The following SLC44A1 variants were observed in gnomAD, a reference collection of about 807,000 sequenced individuals.
SLC44A1 encodes the protein choline transporter-like protein 1.
Under a neutral mutation model 79.3 loss-of-function variants are expected in SLC44A1, and 26 were observed. The observed-to-expected ratio is 0.33, with a 90% CI of 0.24 to 0.46. The LOEUF (loss-of-function observed/expected upper bound fraction) is 0.46. SLC44A1 is among the 20% of genes least tolerant of loss of function. SLC44A1 has a pLI of 1.00. For missense variants in SLC44A1, 688 were observed against 798.1 expected (o/e 0.86, Z 1.66); for synonymous variants, 263 against 286.2 (o/e 0.92, Z 0.82).
intron 15 of SLC44A1, among the ~76,000 whole-genome samples, chr9:105,403,552 G>C (rs1041318452): frequency 6.6e-6 from 1 of 150,894 alleles, no homozygotes; most frequent in South Asian, 2.1e-4. Flanking sequence ...TTCTACATTA[G>C]CTAAGAATAC....
At chr9:105,306,071 A>G (rs1831023448) in intron 2 of SLC44A1, among the ~76,000 whole-genome samples, 1 of 152,126 alleles carries the variant, frequency 6.6e-6, no homozygotes, top group East Asian at 1.9e-4. Flanking sequence ...CTATTTGTGA[A>G]TAAATTTGTC....
chr9:105,356,811 T>G (rs920099927), intron 6 of SLC44A1, among the ~76,000 whole-genome samples: 1 of 152,192 alleles, frequency 6.6e-6, no homozygotes, highest in Non-Finnish European at 1.5e-5. Flanking sequence ...TGTAATTTTT[T>G]TTTCATTGCT....
intron 5 of SLC44A1, among the ~76,000 whole-genome samples, chr9:105,351,497 C>T (rs544188976): frequency 2.0e-5 from 3 of 149,782 alleles, no homozygotes; most frequent in Middle Eastern, 3.4e-3. Flanking sequence ...TGTGCCACTG[C>T]ACTCCAGCCT....
At chr9:105,307,643 TAA>T (rs35472593) in intron 2 of SLC44A1, among the ~76,000 whole-genome samples, 102 of 139,120 alleles carry the variant, frequency 7.3e-4, no homozygotes, top group African/African-American at 1.4e-3. Flanking sequence ...GACTCCATCT[TAA>T]AAAAAAAAAA....
chr9:105,341,843 C>G (rs1827101345), intron 4 of SLC44A1, among the ~76,000 whole-genome samples: 1 of 152,142 alleles, frequency 6.6e-6, no homozygotes, highest in African/African-American at 2.4e-5. Flanking sequence ...TATTTTTATT[C>G]ATCTCTAAAT....
intron 12 of SLC44A1, among the ~76,000 whole-genome samples, chr9:105,367,295 G>A (rs1185570462): frequency 6.6e-6 from 1 of 152,124 alleles, no homozygotes; most frequent in Non-Finnish European, 1.5e-5. Flanking sequence ...ATAGTCACAG[G>A]TTGATAGTTC....
chr9:105,278,238 T>TA (rs1830258169), intron 1 of SLC44A1, among the ~76,000 whole-genome samples: 1 of 151,610 alleles, frequency 6.6e-6, no homozygotes, highest in African/African-American at 2.4e-5. Flanking sequence ...TTTTTTTTTC[T>TA]TTTTCTATTT....
chr9:105,410,558 T>G (rs1829081524), intron 15 of SLC44A1, among the ~76,000 whole-genome samples: 1 of 152,008 alleles, frequency 6.6e-6, no homozygotes, highest in Admixed American at 6.6e-5. Flanking sequence ...CTCAAACAAA[T>G]AGACAATAAG....
At chr9:105,437,287 A>C (rs1829475721) in intron 15 of SLC44A1, among the ~76,000 whole-genome samples, 1 of 152,044 alleles carries the variant, frequency 6.6e-6, no homozygotes, top group African/African-American at 2.4e-5. Context: ...CTATCTATAG[A>C]TATATCTATA....
intron 1 of SLC44A1, among the ~76,000 whole-genome samples, chr9:105,292,571 AT>A (rs906404472): frequency 7.2e-5 from 11 of 152,208 alleles, no homozygotes; most frequent in African/African-American, 2.7e-4. Context: ...AATTTTTAGA[AT>A]GTTTTGGGGC....
At chr9:105,271,501 G>A (rs1362110328) in intron 1 of SLC44A1, among the ~76,000 whole-genome samples, 2 of 152,218 alleles carry the variant, frequency 1.3e-5, no homozygotes, top group Non-Finnish European at 2.9e-5. Context: ...AATGGTACGA[G>A]CAAACACATA....
chr9:105,329,879 C>T (rs1049156471), intron 3 of SLC44A1, among the ~76,000 whole-genome samples: 3 of 152,266 alleles, frequency 2.0e-5, no homozygotes, highest in African/African-American at 4.8e-5. Context: ...GCCTCCTCCT[C>T]CTTAATGGTT....
chr9:105,315,288 A>G (rs553333254), intron 3 of SLC44A1, among the ~76,000 whole-genome samples: 80 of 132,348 alleles, frequency 6.0e-4, no homozygotes, highest in Middle Eastern at 4.2e-3. Context: ...TTTTTTTTTT[A>G]CCATTTGTAT....
At chr9:105,352,472 G>A (rs1588820596) in intron 5 of SLC44A1, among the ~76,000 whole-genome samples, 1 of 152,066 alleles carries the variant, frequency 6.6e-6, no homozygotes, top group East Asian at 1.9e-4. Flanking sequence ...TTCATATGAG[G>A]GACTAATTAA....
At chr9:105,316,214 AG>A (rs1334679039) in intron 3 of SLC44A1, among the ~76,000 whole-genome samples, 3 of 152,146 alleles carry the variant, frequency 2.0e-5, no homozygotes, top group Admixed American at 6.5e-5. Context: ...TTATAGCTAT[AG>A]GAAGCGTTTT....
intron 1 of SLC44A1, chr9:105,294,614 G>C (rs891847513): frequency 6.6e-6 from 1 of 151,944 alleles, no homozygotes; most frequent in African/African-American, 2.4e-5. Flanking sequence ...TGTATCTTTG[G>C]CTTTCAAGGG....
intron 15 of SLC44A1, among the ~76,000 whole-genome samples, chr9:105,427,593 T>C (rs1203533538): frequency 2.0e-5 from 3 of 152,194 alleles, no homozygotes; most frequent in African/African-American, 7.2e-5. Context: ...TGATTTTTAA[T>C]AGTGGAAGTA....
At chr9:105,351,632 G>GAGAGAA (rs1554797207) in intron 5 of SLC44A1, among the ~76,000 whole-genome samples, 1 of 101,358 alleles carries the variant, frequency 9.9e-6, no homozygotes, top group Non-Finnish European at 2.0e-5. Context: ...GAGAGAGAAA[G>GAGAGAA]AGAAAGAAAG....
At chr9:105,325,574 T>C (rs1449836610) in intron 3 of SLC44A1, among the ~76,000 whole-genome samples, 1 of 152,152 alleles carries the variant, frequency 6.6e-6, no homozygotes, top group Non-Finnish European at 1.5e-5. Flanking sequence ...TGTGCTGATA[T>C]GCTAGCTCAC....
Sources: gnomAD v4.1 joint callset for allele counts (sites outside exome capture counted in the v4.1 genomes callset) on GRCh38, gnomAD v4.1.1 for gene constraint, MANE v1.5 for transcripts, NCBI Gene and HGNC (gene_info 2026-07-23, HGNC 2026-07-21) for gene names.